CA10: variants seen among roughly 807,000 people sequenced by gnomAD.
CA10 encodes the protein carbonic anhydrase-related protein 10.
Under a neutral mutation model 44.2 loss-of-function variants are expected in CA10, and 14 were observed. The observed-to-expected ratio is 0.32, with a 90% CI of 0.21 to 0.50. The LOEUF is 0.50. CA10 is among the 20% of genes least tolerant of loss of function. CA10 has a pLI of 0.99. For missense variants in CA10, 350 were observed against 409.7 expected (o/e 0.85, Z 1.26); for synonymous variants, 159 against 141.6 (o/e 1.12, Z -0.87).
intron 4 of CA10, among the ~76,000 whole-genome samples, chr17:51,743,696 T>C (rs1209074999): frequency 6.6e-6 from 1 of 152,218 alleles, no homozygotes; most frequent in Non-Finnish European, 1.5e-5. Context: ...AATTGACTTA[T>C]CACGATCAGC....
intron 3 of CA10, among the ~76,000 whole-genome samples, chr17:51,770,864 G>A (rs113667466): frequency 0.013 from 1,961 of 151,992 alleles, 44 homozygotes; most frequent in African/African-American, 0.044. Flanking sequence ...AGTGGCTCAC[G>A]CCTGTATTCA....
intron 1 of CA10, among the ~76,000 whole-genome samples, chr17:52,105,991 T>C (rs144410510): frequency 6.6e-6 from 1 of 152,346 alleles, no homozygotes; most frequent in Non-Finnish European, 1.5e-5. Context: ...TAGTCAATTT[T>C]CAATAAAAGT....
intron 2 of CA10, among the ~76,000 whole-genome samples, chr17:52,014,519 A>G (rs889354510): frequency 1.3e-5 from 2 of 152,076 alleles, no homozygotes; most frequent in Non-Finnish European, 2.9e-5. Flanking sequence ...TATAAAATTT[A>G]GAGAGAAGTA....
At chr17:51,764,305 C>G (rs549451733) in intron 3 of CA10, among the ~76,000 whole-genome samples, 1 of 152,332 alleles carries the variant, frequency 6.6e-6, no homozygotes, top group South Asian at 2.1e-4. Context: ...CCTCAAAGTC[C>G]TTTGAAACCC....
intron 1 of CA10, among the ~76,000 whole-genome samples, chr17:52,106,571 C>G (rs1016495780): frequency 6.6e-6 from 1 of 152,132 alleles, no homozygotes; most frequent in South Asian, 2.1e-4. Context: ...TGATGGCCAC[C>G]AAGAGCCCTG....
chr17:52,022,494 A>C lies in CA10; in HGVS notation c.136+49825T>G, dbSNP rs117677389. On this transcript the variant is annotated intron_variant, in intron 2 of 8. Transcript: ENST00000451037. The stretch of plus-strand genomic sequence containing the variant: ...CATCTGTGACAAACCCACAGCCAAC[A>C]CCATAATGAGTGGGTGAAAGCTAGA... 2.5e-3 allele frequency among the ~76,000 whole-genome samples: 378 copies of C among 152,120 alleles called. 14 individuals carry two copies. In the East Asian group the frequency reaches 0.063, roughly 25 times the overall value.
intron 4 of CA10, among the ~76,000 whole-genome samples, chr17:51,662,660 C>T (rs1227753484): frequency 6.6e-6 from 1 of 152,170 alleles, no homozygotes; most frequent in Non-Finnish European, 1.5e-5. Flanking sequence ...TTGATGTTTA[C>T]CAGCCACCAC....
At chr17:52,062,065 C>CT (rs56369087) in intron 2 of CA10, among the ~76,000 whole-genome samples, 104,243 of 115,758 alleles carry the variant, frequency 0.9, 47,460 homozygotes, top group East Asian at 0.96. Flanking sequence ...GGTGTGGCCA[C>CT]TTTTTTTTTT....
At chr17:51,745,596 T>C (rs567619819) in intron 4 of CA10, among the ~76,000 whole-genome samples, 1 of 152,330 alleles carries the variant, frequency 6.6e-6, no homozygotes, top group East Asian at 1.9e-4. Context: ...AATTACTATA[T>C]GTTTCCCTTA....
At chr17:51,839,498 C>A in intron 3 of CA10, among the ~76,000 whole-genome samples, 1 of 41,548 alleles carries the variant, frequency 2.4e-5, no homozygotes, top group South Asian at 1.3e-3. Context: ...AAGACTCCTT[C>A]TCAAAAAAAA....
intron 1 of CA10, among the ~76,000 whole-genome samples, chr17:52,104,181 C>G (rs1988605083): frequency 1.4e-5 from 2 of 147,118 alleles, no homozygotes; most frequent in East Asian, 2.0e-4. Flanking sequence ...CTCATCACAC[C>G]TCCTGCCTTT....
chr17:51,848,108 T>G (rs1978580066), intron 3 of CA10, among the ~76,000 whole-genome samples: 1 of 152,150 alleles, frequency 6.6e-6, no homozygotes, highest in African/African-American at 2.4e-5. Context: ...AGTAATATTT[T>G]CATGCAATAT....
At chr17:51,641,564 T>C (rs2106334) in intron 6 of CA10, among the ~76,000 whole-genome samples, 1 of 151,916 alleles carries the variant, frequency 6.6e-6, no homozygotes, top group Non-Finnish European at 1.5e-5. Context: ...TATGTGTGTA[T>C]TTTATCACCC....
chr17:51,661,705 G>T (rs1484655535), intron 4 of CA10: 1 of 152,200 alleles, frequency 6.6e-6, no homozygotes. Context: ...CATTGAGTCT[G>T]TTCTCCCAAG....
intron 2 of CA10, among the ~76,000 whole-genome samples, chr17:52,018,338 G>A (rs530076216): frequency 6.6e-6 from 1 of 152,218 alleles, no homozygotes; most frequent in South Asian, 2.1e-4. Flanking sequence ...CAACCTGTGA[G>A]AGCAGCCGTG....
intron 3 of CA10, among the ~76,000 whole-genome samples, chr17:51,895,251 A>T (rs1981019062): frequency 6.6e-6 from 1 of 152,106 alleles, no homozygotes; most frequent in South Asian, 2.1e-4. Flanking sequence ...GGGATTCTGA[A>T]GACAATTACA....
intron 4 of CA10, among the ~76,000 whole-genome samples, chr17:51,723,509 T>C (rs1340661342): frequency 6.6e-6 from 1 of 152,176 alleles, no homozygotes; most frequent in African/African-American, 2.4e-5. Flanking sequence ...AGACGGCATC[T>C]ACTGAGTGCT....
At chr17:51,836,023 G>A (rs1908464724) in intron 3 of CA10, among the ~76,000 whole-genome samples, 1 of 152,068 alleles carries the variant, frequency 6.6e-6, no homozygotes, top group Non-Finnish European at 1.5e-5. Flanking sequence ...AGACCCAAGG[G>A]CAAGGAGAGG....
At chr17:51,864,971 T>C (rs1465866364) in intron 3 of CA10, among the ~76,000 whole-genome samples, 2 of 152,074 alleles carry the variant, frequency 1.3e-5, no homozygotes, top group Admixed American at 1.3e-4. Context: ...TTGTGCTGGG[T>C]GCCAAGAATA....
Sources: gnomAD v4.1 joint callset for allele counts (sites outside exome capture counted in the v4.1 genomes callset) on GRCh38, gnomAD v4.1.1 for gene constraint, MANE v1.5 for transcripts, NCBI Gene and HGNC (gene_info 2026-07-23, HGNC 2026-07-21) for gene names.